Variants in MYH11 observed in about 807,000 individuals in gnomAD.
MYH11 encodes myosin-11.
MYH11 carries 80 observed loss-of-function variants against 246.6 expected under a neutral mutation model. The ratio of observed to expected loss-of-function variants is 0.32; its 90% confidence interval spans 0.27 to 0.39. The LOEUF is 0.39. Among genes scored for constraint, MYH11 ranks in the 10% least tolerant of loss-of-function variants. MYH11 has a pLI of 1.00. For missense variants in MYH11, 2,158 were observed against 2,546.8 expected (o/e 0.85, Z 3.29); for synonymous variants, 1,071 against 1,015.5 (o/e 1.05, Z -1.04).
intron 3 of MYH11, among the ~76,000 whole-genome samples, chr16:15,815,538 G>A (rs1415995593): frequency 6.6e-6 from 1 of 151,954 alleles, no homozygotes; most frequent in Non-Finnish European, 1.5e-5. Flanking sequence ...TTATAGGATT[G>A]GTCTAGGAAT....
chr16:15,851,756 A>G (rs1427530944), intron 1 of MYH11, among the ~76,000 whole-genome samples: 5 of 152,138 alleles, frequency 3.3e-5, no homozygotes, highest in Admixed American at 6.5e-5. Context: ...AATGGTTTCA[A>G]GTAACTCCAG....
intron 8 of MYH11, among the ~76,000 whole-genome samples, chr16:15,774,584 T>C (rs2042177285): frequency 1.3e-5 from 2 of 152,218 alleles, no homozygotes; most frequent in Non-Finnish European, 2.9e-5. Context: ...AGCCAGCCAT[T>C]AAGGAAACTT....
Position 15,747,706 on chromosome 16 carries a change from T to A in MYH11, c.2275A>T (p.Asn759Tyr). Residue 759 changes from asparagine to tyrosine, a missense_variant, in exon 19 of 41, where the codon AAC (asparagine) becomes TAC (tyrosine). Physicochemically the swap from Asn to Tyr is moderately radical, Grantham distance 143 (BLOSUM62 -2). Coordinates refer to ENST00000300036, the MANE Select transcript of MYH11 (RefSeq NM_002474.3). ...TTGCTCTGCCCTATCCTGTATAAGT[T>A]GGGGTCAAGTTCCAGGGCTTTGATC... The part of the protein sequence containing the change: ...LMIKALELDP[N>Y]LYRIGQSKIF... 6.2e-7 allele frequency: 1 copy of A among 1,613,956 alleles called. No homozygotes were observed. Among genetic ancestry groups the A allele is most frequent in the Non-Finnish European group, 8.5e-7 (1 of 1,179,966 alleles).
intron 3 of MYH11, among the ~76,000 whole-genome samples, chr16:15,800,425 TAGGAAGAAAGA>T (rs2042854599): frequency 6.7e-6 from 1 of 149,590 alleles, no homozygotes; most frequent in Non-Finnish European, 1.5e-5. Flanking sequence ...GATGGATAGA[TAGGAAGAAAGA>T]AAGAAGAAAG....
intron 40 of MYH11, among the ~76,000 whole-genome samples, chr16:15,705,772 G>T (rs11862637): frequency 1.3e-5 from 2 of 151,620 alleles, no homozygotes; most frequent in Non-Finnish European, 2.9e-5. Context: ...ATGAGGTCAG[G>T]AGATCGAGAC....
chr16:15,781,648 G>C (rs1222967100), intron 6 of MYH11, among the ~76,000 whole-genome samples: 1 of 152,082 alleles, frequency 6.6e-6, no homozygotes, highest in Non-Finnish European at 1.5e-5. Context: ...TGCCCTGTTG[G>C]GCTCAGGCAA....
chr16:15,800,939 C>T (rs549721894), intron 3 of MYH11, among the ~76,000 whole-genome samples: 296 of 152,232 alleles, frequency 1.9e-3, no homozygotes, highest in African/African-American at 6.8e-3. Context: ...GGCGCAGTGG[C>T]TCATGCCTGT....
chr16:15,772,893 T>C (rs969883513), intron 8 of MYH11, among the ~76,000 whole-genome samples: 2 of 152,170 alleles, frequency 1.3e-5, no homozygotes, highest in South Asian at 2.1e-4. Context: ...TATAACACTC[T>C]AATGCCTGAT....
At chr16:15,848,497 G>A (rs1057363057) in intron 1 of MYH11, among the ~76,000 whole-genome samples, 1 of 152,102 alleles carries the variant, frequency 6.6e-6, no homozygotes. Context: ...GCCCCCCAAA[G>A]TGCTGGGATT....
intron 25 of MYH11, 83 bp downstream of exon 25, chr16:15,737,366 G>A (rs1297981638): frequency 1.3e-6 from 2 of 1,581,186 alleles, no homozygotes; most frequent in African/African-American, 2.7e-5. Flanking sequence ...CCTTGACCAA[G>A]ACAGCCACTG....
chr16:15,709,670 T>A (rs982153284), intron 40 of MYH11, among the ~76,000 whole-genome samples: 34 of 152,104 alleles, frequency 2.2e-4, no homozygotes, highest in African/African-American at 7.5e-4. Context: ...TTTAAGAACC[T>A]CCTATAAATC....
At chr16:15,747,146 G>A (rs2041439893) in intron 19 of MYH11, among the ~76,000 whole-genome samples, 1 of 152,028 alleles carries the variant, frequency 6.6e-6, no homozygotes, top group African/African-American at 2.4e-5. Context: ...AGGAAGGAGT[G>A]AGGGAGGGAG....
At chr16:15,723,695 C>A (rs1206428897) in intron 31 of MYH11, among the ~76,000 whole-genome samples, 1 of 152,092 alleles carries the variant, frequency 6.6e-6, no homozygotes, top group Non-Finnish European at 1.5e-5. Context: ...ATGACTGAAT[C>A]CAGGTGGTGG....
intron 2 of MYH11, among the ~76,000 whole-genome samples, chr16:15,829,863 A>G (rs528341404): frequency 2.8e-4 from 43 of 152,264 alleles, no homozygotes; most frequent in East Asian, 1.5e-3. Context: ...GGCCGGGCGC[A>G]GTGGCTCACA....
chr16:15,847,246 CTT>C (rs545966682), intron 1 of MYH11, among the ~76,000 whole-genome samples: 54,014 of 111,710 alleles, frequency 0.48, 12,841 homozygotes, highest in Non-Finnish European at 0.61. Flanking sequence ...AAGTGGACTT[CTT>C]TTTTTTTTTT....
Position 15,715,056 on chromosome 16 carries a change from T to C in MYH11, c.5639A>G (p.Lys1880Arg), listed in dbSNP as rs2040044529. The change falls in exon 40 of 41, where the codon AAG (lysine) becomes AGG (arginine). Residue 1880 changes from lysine to arginine, a missense_variant. Transcript: ENST00000300036. ...CTCCTCCAGCTGCCTCTTGAGCTGC[T>C]TGACCCTGGCATTGCCTTTCTCTGC... is the stretch of plus-strand genomic sequence containing the variant. ...EQAEKGNARV[K>R]QLKRQLEEAE... 6.2e-7 allele frequency: 1 copy of C among 1,613,454 alleles called. No homozygotes were observed. The highest frequency in any genetic ancestry group is 1.3e-5 in the African/African-American group (1 of 74,906).
intron 3 of MYH11, among the ~76,000 whole-genome samples, chr16:15,802,343 G>A (rs2042907756): frequency 6.6e-6 from 1 of 152,228 alleles, no homozygotes. Context: ...TTACAAATAA[G>A]GAGAGTGAGG....
At chr16:15,757,223 C>T (rs2041748268) in intron 13 of MYH11, among the ~76,000 whole-genome samples, 1 of 151,622 alleles carries the variant, frequency 6.6e-6, no homozygotes, top group African/African-American at 2.4e-5. Context: ...GTGGCGCAAT[C>T]TCGGCTTACA....
intron 11 of MYH11, 91 bp from the exon 12 acceptor site, chr16:15,759,819 CG>C: frequency 6.6e-7 from 1 of 1,513,340 alleles, no homozygotes; most frequent in Non-Finnish European, 9.0e-7. Flanking sequence ...TATTCTTGGC[CG>C]GGTGCAGTGA....
Sources: gnomAD v4.1 joint callset for allele counts (sites outside exome capture counted in the v4.1 genomes callset) on GRCh38, gnomAD v4.1.1 for gene constraint, MANE v1.5 for transcripts, NCBI Gene and HGNC (gene_info 2026-07-23, HGNC 2026-07-21) for gene names.